KCND3: variants seen among roughly 807,000 people sequenced by gnomAD.
KCND3 encodes A-type voltage-gated potassium channel KCND3.
In KCND3, 9 loss-of-function variants were observed where a neutral mutation model predicts 51.1. That is an observed-to-expected ratio of 0.18 (90% confidence interval 0.11 to 0.31). KCND3 has a LOEUF of 0.31. Ranked by LOEUF, KCND3 falls within the 10% of genes least tolerant of loss-of-function variation. The pLI is 1.00. For missense variants in KCND3, 526 were observed against 903.8 expected (o/e 0.58, Z 5.36); for synonymous variants, 349 against 368.0 (o/e 0.95, Z 0.59).
At chr1:111,872,822 C>T (rs1183195865) in intron 2 of KCND3, among the ~76,000 whole-genome samples, 1 of 152,140 alleles carries the variant, frequency 6.6e-6, no homozygotes, top group Non-Finnish European at 1.5e-5. Flanking sequence ...CCAGTGAGAA[C>T]ACTCATCAGT....
intron 2 of KCND3, among the ~76,000 whole-genome samples, chr1:111,826,622 A>T (rs184223819): frequency 1.3e-4 from 20 of 152,304 alleles, no homozygotes; most frequent in African/African-American, 4.6e-4. Context: ...GGTCACTCAC[A>T]GGTGGTTTAC....
chr1:111,779,008 T>C (rs1168003948), intron 5 of KCND3, among the ~76,000 whole-genome samples: 1 of 152,238 alleles, frequency 6.6e-6, no homozygotes, highest in African/African-American at 2.4e-5. Context: ...GGTCCGGGCC[T>C]ATCCCTTTGG....
At chr1:111,869,819 G>C (rs1480241467) in intron 2 of KCND3, among the ~76,000 whole-genome samples, 2 of 152,174 alleles carry the variant, frequency 1.3e-5, no homozygotes, top group South Asian at 4.1e-4. Context: ...TTAACATGCA[G>C]CCAGTAAGTG....
At chr1:111,959,122 A>G (rs1673496973) in intron 2 of KCND3, among the ~76,000 whole-genome samples, 1 of 152,198 alleles carries the variant, frequency 6.6e-6, no homozygotes, top group Non-Finnish European at 1.5e-5. Context: ...GACTGTGTCC[A>G]CTTGCTTAAA....
intron 2 of KCND3, among the ~76,000 whole-genome samples, chr1:111,899,032 T>C (rs572187348): frequency 6.6e-6 from 1 of 152,306 alleles, no homozygotes; most frequent in Admixed American, 6.5e-5. Context: ...TCCTACTAGC[T>C]GTGGCAGGAG....
At chr1:111,921,462 C>T (rs1386394732) in intron 2 of KCND3, among the ~76,000 whole-genome samples, 1 of 152,122 alleles carries the variant, frequency 6.6e-6, no homozygotes, top group Admixed American at 6.5e-5. Flanking sequence ...ATTATGGGGA[C>T]CAGCAAGAGA....
In KCND3 at chr1:111,982,867, A is replaced by G; in HGVS notation, c.-72-69T>C. On this transcript the variant is annotated intron_variant, in intron 1 of 7. Transcript: ENST00000302127. The surrounding 1 kb of genome is among the most constrained non-coding windows in gnomAD (Gnocchi z 8.5). ...GACTGGCAGGTAAGAAATGGGACACAGGAAAGGATCACTGGTGAGTGAAAC... is the reference window on the plus strand; with the variant it reads ...GACTGGCAGGTAAGAAATGGGACACGGGAAAGGATCACTGGTGAGTGAAAC... 8.3e-7 allele frequency: 1 copy of G among 1,207,800 alleles called. No individual in the cohort carries two copies. The highest frequency in any genetic ancestry group is 2.7e-4 in the Middle Eastern group (1 of 3,744). The allele number at this position is 1,207,800 out of a possible 1,614,324, so 74.8% of individuals were successfully genotyped here. A position where few individuals can be genotyped will look rare whatever the true frequency, so the allele number is the denominator to read the frequency against.
chr1:111,950,435 C>A (rs1027405165), intron 2 of KCND3, among the ~76,000 whole-genome samples: 1 of 152,326 alleles, frequency 6.6e-6, no homozygotes, highest in East Asian at 1.9e-4. Flanking sequence ...CTTTATCCCC[C>A]TCACTCCCTG....
chr1:111,911,871 C>T (rs987849484), intron 2 of KCND3, among the ~76,000 whole-genome samples: 1 of 151,996 alleles, frequency 6.6e-6, no homozygotes, highest in African/African-American at 2.4e-5. Context: ...AATGAGAGAC[C>T]CCTACAATTT....
chr1:111,868,268 C>A (rs1159465050), intron 2 of KCND3, among the ~76,000 whole-genome samples: 2 of 152,198 alleles, frequency 1.3e-5, no homozygotes, highest in Non-Finnish European at 2.9e-5. Context: ...GGATGAGAAC[C>A]TTCCTCCAGC....
intron 2 of KCND3, among the ~76,000 whole-genome samples, chr1:111,845,908 T>C (rs1413615312): frequency 6.9e-6 from 1 of 145,216 alleles, no homozygotes; most frequent in Non-Finnish European, 1.5e-5. Flanking sequence ...TCAACATTGC[T>C]GTCCCCCTGC....
chr1:111,916,371 C>T (rs1303267312), intron 2 of KCND3, among the ~76,000 whole-genome samples: 4 of 151,882 alleles, frequency 2.6e-5, no homozygotes, highest in African/African-American at 4.8e-5. Flanking sequence ...ATATTTTGAA[C>T]TGAAAAAAAT....
At position 111,982,273 on chromosome 1, in the gene KCND3, C is replaced by T. The variant is rs1183337083; in HGVS notation, c.454G>A (p.Asp152Asn). 1.2e-6 allele frequency: 2 copies of T among 1,613,952 alleles called. No homozygotes were observed. Among genetic ancestry groups the T allele is most frequent in the South Asian group, 1.1e-5 (1 of 91,064 alleles). ...ENAERLMDDN[D>N]SENNQESMPS... ...ATGGACTCCTGGTTGTTCTCCGAGT[C>T]GTTGTCGTCCATGAGCCGCTCGGCG... The change falls in exon 2 of 8, where the codon GAC becomes AAC. Residue 152 changes from aspartate to asparagine, a missense_variant. Physicochemically the swap from Asp to Asn is conservative, Grantham distance 23 (BLOSUM62 1). This residue lies in a region of KCND3 where 159 missense variants were observed against 262.8 expected (regional missense o/e 0.61). Transcript: ENST00000302127. The surrounding 1 kb of genome is among the most constrained non-coding windows in gnomAD (Gnocchi z 8.5).
In KCND3 at chr1:111,929,657, C is replaced by T. The variant is rs375055422; in HGVS notation, c.1106+51964G>A. Among the ~76,000 whole-genome samples the T allele has an allele frequency of 3.5e-4, 54 of 152,290 alleles. 1 individual carries two copies. In the South Asian group the frequency reaches 0.01, roughly 29 times the overall value. On this transcript the variant is annotated intron_variant, in intron 2 of 7. Coordinates refer to ENST00000302127, the MANE Select transcript of KCND3 (RefSeq NM_001378969.1). ...CCCAGAAAAAAGTGTGTGAAGAGGA[C>T]GCTGCAGGGATCCCACGACTGCCTC... is the stretch of plus-strand genomic sequence containing the variant.
At chr1:111,869,992 G>A (rs923585162) in intron 2 of KCND3, among the ~76,000 whole-genome samples, 2 of 152,208 alleles carry the variant, frequency 1.3e-5, no homozygotes, top group Non-Finnish European at 2.9e-5. Context: ...ACTGTAGTAT[G>A]TGTGTTTTTT....
intron 2 of KCND3, among the ~76,000 whole-genome samples, chr1:111,866,715 T>C (rs1165274726): frequency 6.6e-6 from 1 of 151,988 alleles, no homozygotes; most frequent in Non-Finnish European, 1.5e-5. Flanking sequence ...TAGGATCGCT[T>C]GAGGTCAGGA....
At chr1:111,960,940 C>T (rs141257002) in intron 2 of KCND3, among the ~76,000 whole-genome samples, 32 of 152,236 alleles carry the variant, frequency 2.1e-4, no homozygotes, top group African/African-American at 7.2e-4. Context: ...GCCAGCTTTC[C>T]ACTCTAGGGA....
chr1:111,870,480 G>C (rs1444599058), intron 2 of KCND3, among the ~76,000 whole-genome samples: 1 of 152,134 alleles, frequency 6.6e-6, no homozygotes, highest in African/African-American at 2.4e-5. Context: ...GAATAACAAA[G>C]GCTTATGGCT....
intron 2 of KCND3, among the ~76,000 whole-genome samples, chr1:111,892,565 C>CA (rs1236652665): frequency 6.6e-6 from 1 of 152,206 alleles, no homozygotes; most frequent in Admixed American, 6.5e-5. Flanking sequence ...GTGAACAAGA[C>CA]AGACCAGGCT....
Sources: allele counts gnomAD v4.1 joint callset (sites outside exome capture counted in the v4.1 genomes callset), GRCh38; gene constraint gnomAD v4.1.1; regional missense constraint gnomAD v4.1.1; non-coding constraint Gnocchi (gnomAD v3.1); transcripts MANE v1.5; gene names NCBI Gene and HGNC (gene_info 2026-07-23, HGNC 2026-07-21).